Variants in MYBPC1 observed in about 807,000 individuals in gnomAD.
The protein encoded by MYBPC1 is myosin-binding protein C, slow-type.
In MYBPC1, 52 loss-of-function variants were observed where a neutral mutation model predicts 147.1. The observed-to-expected ratio is 0.35, with a 90% confidence interval of 0.28 to 0.45. MYBPC1 has a LOEUF of 0.45. MYBPC1 is among the 20% of genes least tolerant of loss of function. The pLI is 1.00. For missense variants in MYBPC1, 1,228 were observed against 1,440.3 expected (o/e 0.85, Z 2.39); for synonymous variants, 477 against 475.9 (o/e 1.00, Z -0.03).
chr12:101,678,516 T>A (rs879532829), intron 28 of MYBPC1, among the ~76,000 whole-genome samples: 2 of 152,250 alleles, frequency 1.3e-5, no homozygotes, highest in Admixed American at 1.3e-4. Flanking sequence ...ATAATAATAT[T>A]GTTTCACTTG....
intron 27 of MYBPC1, 61 bp from the exon 28 acceptor site, chr12:101,678,041 A>G: frequency 6.4e-7 from 1 of 1,560,100 alleles, no homozygotes; most frequent in Non-Finnish European, 8.8e-7. Flanking sequence ...GTATGCCACC[A>G]ATAATATATT....
chr12:101,624,011 C>T (rs961511512), intron 3 of MYBPC1, among the ~76,000 whole-genome samples: 7 of 152,214 alleles, frequency 4.6e-5, no homozygotes, highest in African/African-American at 1.4e-4. Flanking sequence ...ACGACCATAT[C>T]ATTTCTTGTC....
chr12:101,632,044 C>G lies in MYBPC1; in HGVS notation c.462C>G (p.Ile154Met). 6.2e-7 allele frequency: 1 copy of G among 1,613,460 alleles called. No individual in the cohort carries two copies. Among genetic ancestry groups the G allele is most frequent in the East Asian group, 2.2e-5 (1 of 44,884 alleles). ...HSRVYTFEMQ[I>M]IKAKDNFAGN... ...AGGTGTACACATTTGAGATGCAGAT[C>G]ATCAAGGCCAAAGATAACTTTGCAG... The change falls in exon 8 of 32, where the codon ATC becomes ATG. Residue 154 changes from isoleucine (I) to methionine (M), a missense_variant. Ile to Met is a conservative substitution (Grantham distance 10). Transcript: ENST00000361466.
At chr12:101,673,396 C>T in intron 24 of MYBPC1, 31 bp from the exon 25 acceptor site, 2 of 1,599,944 alleles carry the variant, frequency 1.3e-6, no homozygotes, top group Non-Finnish European at 1.7e-6. Flanking sequence ...ATATGATTTA[C>T]CCTCTCTACT....
At chr12:101,675,660 C>G (rs1239900084) in intron 26 of MYBPC1, among the ~76,000 whole-genome samples, 1 of 152,220 alleles carries the variant, frequency 6.6e-6, no homozygotes, top group Admixed American at 6.5e-5. Context: ...ATCACTTGAG[C>G]TCTTTGATCT....
chr12:101,653,021 ATAT>A, intron 17 of MYBPC1, 91 bp from the exon 18 acceptor site: 1 of 1,486,704 alleles, frequency 6.7e-7, no homozygotes, highest in Non-Finnish European at 9.3e-7. Flanking sequence ...ATTAGATAAA[ATAT>A]TGGTTACTAC....
At chr12:101,652,560 C>T (rs1413187816) in intron 16 of MYBPC1, 118 bp from the exon 17 acceptor site, 1 of 725,692 alleles carries the variant, frequency 1.4e-6, no homozygotes, top group East Asian at 2.7e-5. Flanking sequence ...CTCTCTCTCT[C>T]CCTCTCTTTC....
intron 3 of MYBPC1, among the ~76,000 whole-genome samples, chr12:101,625,240 T>C (rs1407652164): frequency 6.6e-6 from 1 of 152,020 alleles, no homozygotes; most frequent in African/African-American, 2.4e-5. Context: ...GGTGCATTCA[T>C]AATAGCTGTT....
downstream of MYBPC1, among the ~76,000 whole-genome samples, chr12:101,688,846 A>G (rs2136981622): frequency 6.6e-6 from 1 of 151,800 alleles, no homozygotes; most frequent in South Asian, 2.1e-4. Context: ...CCAGCTACTC[A>G]GAAGGCTGAT....
At chr12:101,651,065 A>C (rs1048803456) in intron 15 of MYBPC1, 166 bp from the exon 16 acceptor site, 9 of 786,694 alleles carry the variant, frequency 1.1e-5, no homozygotes, top group Non-Finnish European at 1.9e-5. Flanking sequence ...GAAATTGTAC[A>C]GAATCAAATG....
In MYBPC1 at chr12:101,663,495, G is replaced by GC; in HGVS notation, c.2297dup (p.Asp767ArgfsTer18). 6.2e-7 allele frequency: 1 copy of GC among 1,613,896 alleles called. No homozygotes were observed. Among genetic ancestry groups the GC allele is most frequent in the African/African-American group, 1.3e-5 (1 of 74,950 alleles). ...GACACGACTGTCACGATGAGGTGGC[G>GC]CCCCCCAGACCACATTGGTGCAGCA... is the stretch of plus-strand genomic sequence containing the variant. On this transcript the variant is annotated frameshift_variant, in exon 22 of 32. Transcript: ENST00000361466. LOFTEE classifies it high-confidence loss of function.
intron 16 of MYBPC1, 53 bp downstream of exon 16, chr12:101,651,446 C>G: frequency 6.2e-7 from 1 of 1,602,468 alleles, no homozygotes; most frequent in Admixed American, 1.7e-5. Flanking sequence ...TCTACTTTCT[C>G]CATTTTCTAA....
intron 1 of MYBPC1, 111 bp downstream of exon 1, chr12:101,595,206 C>T (rs546494788): frequency 9.9e-7 from 1 of 1,011,364 alleles, no homozygotes; most frequent in African/African-American, 1.6e-5. Context: ...AATAAAATCA[C>T]TATGATTTAA....
At chr12:101,661,298 T>C in intron 20 of MYBPC1, 36 bp downstream of exon 20, 1 of 1,331,780 alleles carries the variant, frequency 7.5e-7, no homozygotes, top group South Asian at 1.2e-5. Flanking sequence ...TAACTGCCAG[T>C]ACAGTTGTGT....
intron 23 of MYBPC1, among the ~76,000 whole-genome samples, 171 bp from the exon 24 acceptor site, chr12:101,670,149 AC>A: frequency 6.6e-6 from 1 of 151,772 alleles, no homozygotes; most frequent in Non-Finnish European, 1.5e-5. Context: ...ACACACACAC[AC>A]ACACATTTTG....
chr12:101,614,603 T>C, intron 2 of MYBPC1, 72 bp downstream of exon 2: 1 of 1,519,454 alleles, frequency 6.6e-7, no homozygotes, highest in Non-Finnish European at 9.1e-7. Context: ...TGATTTGGCC[T>C]CCACGGGTGC....
intron 8 of MYBPC1, among the ~76,000 whole-genome samples, chr12:101,632,879 G>T (rs1221837338): frequency 6.6e-6 from 1 of 152,098 alleles, no homozygotes; most frequent in Non-Finnish European, 1.5e-5. Flanking sequence ...ACAGGCGTGT[G>T]CCACCACACC....
chr12:101,608,029 C>T (rs1204417096), intron 1 of MYBPC1, among the ~76,000 whole-genome samples: 1 of 152,176 alleles, frequency 6.6e-6, no homozygotes, highest in East Asian at 1.9e-4. Flanking sequence ...ATAGCTGCCA[C>T]CAGTGCCCGT....
At chr12:101,628,159 A>C in intron 5 of MYBPC1, 2 of 320,582 alleles carry the variant, frequency 6.2e-6, no homozygotes, top group Non-Finnish European at 1.2e-5. Flanking sequence ...TTTCAAATGC[A>C]TCCTATCAGC....
Sources: allele counts gnomAD v4.1 joint callset (sites outside exome capture counted in the v4.1 genomes callset), GRCh38; gene constraint gnomAD v4.1.1; transcripts MANE v1.5; gene names NCBI Gene and HGNC (gene_info 2026-07-23, HGNC 2026-07-21).